PPP2R1B: variants seen among roughly 807,000 people sequenced by gnomAD.
The protein encoded by PPP2R1B is serine/threonine-protein phosphatase 2A 65 kDa regulatory subunit A beta isoform.
Under a neutral mutation model 72.7 loss-of-function variants are expected in PPP2R1B, and 58 were observed. The observed-to-expected ratio is 0.80, with a 90% CI of 0.65 to 0.99. The LOEUF (loss-of-function observed/expected upper bound fraction) is 0.99, where lower values mean the gene tolerates loss of function less well. PPP2R1B is among the 50% of genes least tolerant of loss of function. The probability of loss-of-function intolerance (pLI) is 0.00; values close to 1 mark genes in which losing one functional copy is unlikely to be tolerated. For missense variants in PPP2R1B, 695 were observed against 733.6 expected, an observed-to-expected ratio of 0.95 and a Z score of 0.61; for synonymous variants, 256 against 264.6, an observed-to-expected ratio of 0.97 and a Z score of 0.32.
At chr11:111,764,419 A>G (rs1945441468) in intron 3 of PPP2R1B, among the ~76,000 whole-genome samples, 1 of 152,208 alleles carries the variant, frequency 6.6e-6, no homozygotes, top group Non-Finnish European at 1.5e-5. Flanking sequence ...ATAAATGTCA[A>G]TTAAATTGAA....
the PPP2R1B span, among the ~76,000 whole-genome samples, chr11:111,716,986 A>G: frequency 6.6e-6 from 1 of 152,164 alleles, no homozygotes; most frequent in Non-Finnish European, 1.5e-5. Flanking sequence ...ACTTCTGAAA[A>G]GAAGACCTCA....
At chr11:111,753,715 C>G (rs1027195607) in intron 8 of PPP2R1B, 138 bp from the exon 9 acceptor site, 5 of 842,386 alleles carry the variant, frequency 5.9e-6, no homozygotes, top group South Asian at 1.9e-5. Flanking sequence ...CAGCCTCACC[C>G]TCCCAGGCTC....
chr11:111,732,528 T>TA (rs1320681861), intron 15 of PPP2R1B, among the ~76,000 whole-genome samples: 2 of 152,038 alleles, frequency 1.3e-5, no homozygotes, highest in Non-Finnish European at 2.9e-5. Flanking sequence ...CCATCTCCAC[T>TA]AAAAATACAA....
chr11:111,717,991 G>C, the PPP2R1B span, among the ~76,000 whole-genome samples: 1 of 152,092 alleles, frequency 6.6e-6, no homozygotes, highest in Admixed American at 6.5e-5. Context: ...GTGATAGGTT[G>C]ACAGGTGCAG....
chr11:111,725,999 T>C (rs1174632603), downstream of PPP2R1B: 1 of 152,248 alleles, frequency 6.6e-6, no homozygotes, highest in Non-Finnish European at 1.5e-5. Flanking sequence ...TGTTTATTCC[T>C]GCTCGTGCTT....
the PPP2R1B span, among the ~76,000 whole-genome samples, chr11:111,697,952 A>G: frequency 6.6e-6 from 1 of 152,198 alleles, no homozygotes; most frequent in African/African-American, 2.4e-5. Context: ...GAAGGCTACA[A>G]TGAGCTGTGA....
Position 111,738,817 on chromosome 11 carries a change from C to A in PPP2R1B, c.*2779G>T. On this transcript the variant is annotated 3_prime_UTR_variant, in exon 15 of 15. Coordinates refer to ENST00000527614, the MANE Select transcript of PPP2R1B (RefSeq NM_002716.5). ...TGAGGGGTAAACCCCACACAAATTA[C>A]AGAGAGAAACACCAAGGTGAATTCC... The A allele has an allele frequency of 1.0e-6, 1 of 984,912 alleles. No homozygotes were observed. The highest frequency in any genetic ancestry group is 1.2e-6 in the Non-Finnish European group (1 of 829,924). The allele number at this position is 984,912 out of a possible 1,614,324, so 61.0% of individuals were successfully genotyped here.
rs1945462766 is a variant in PPP2R1B at position 111,764,872 on chromosome 11, G to A, written c.239C>T (p.Ala80Val). 6.2e-7 allele frequency: 1 copy of A among 1,614,062 alleles called. No individual in the cohort carries two copies. ...TIYDEDEVLL[A>V]LAEQLGNFTG... is the part of the protein sequence containing the mutation. Reference sequence around the variant, plus strand: ...GAAATTTCCCAGCTGCTCAGCAAGAGCTAATAGTACCTCATCTTCATCATA... The same window carrying A: ...GAAATTTCCCAGCTGCTCAGCAAGAACTAATAGTACCTCATCTTCATCATA... The change falls in exon 3 of 15, where the codon GCT (alanine) becomes GTT (valine). Residue 80 changes from alanine to valine, a missense_variant. Coordinates refer to ENST00000527614, the MANE Select transcript of PPP2R1B (RefSeq NM_002716.5).
chr11:111,717,041 G>A, the PPP2R1B span, among the ~76,000 whole-genome samples: 2 of 152,144 alleles, frequency 1.3e-5, no homozygotes, highest in African/African-American at 2.4e-5. Context: ...GCGGCCGGGT[G>A]TGGTGGCTCA....
At chr11:111,705,273 T>TC in the PPP2R1B span, 5 of 864,086 alleles carry the variant, frequency 5.8e-6, no homozygotes, top group Non-Finnish European at 8.0e-6. The surrounding 1 kb of genome is among the most constrained non-coding windows in gnomAD (Gnocchi z 4.3). Flanking sequence ...TGCCTGCCAT[T>TC]CACTAGATTC....
At chr11:111,710,897 T>G in the PPP2R1B span, among the ~76,000 whole-genome samples, 1 of 152,208 alleles carries the variant, frequency 6.6e-6, no homozygotes, top group African/African-American at 2.4e-5. Flanking sequence ...CCTGTATCCC[T>G]TGAAATAACT....
At chr11:111,731,927 A>G (rs1944205895) in intron 15 of PPP2R1B, among the ~76,000 whole-genome samples, 1 of 152,204 alleles carries the variant, frequency 6.6e-6, no homozygotes, top group Non-Finnish European at 1.5e-5. Context: ...AACAACTCCA[A>G]TGCCCCAGGA....
exon 16 of PPP2R1B, chr11:111,726,911 A>G: frequency 6.4e-7 from 1 of 1,573,368 alleles, no homozygotes; most frequent in Non-Finnish European, 8.7e-7. Flanking sequence ...TTCGGCAAAA[A>G]GTGCAATATG....
At chr11:111,723,768 G>A (rs1943876549), downstream of PPP2R1B, 2 of 1,613,838 alleles carry the variant, frequency 1.2e-6, no homozygotes, top group Non-Finnish European at 1.7e-6. Flanking sequence ...TCCACTTCCG[G>A]TCCCCGGGCT....
At chr11:111,766,198 A>T in intron 1 of PPP2R1B, 50 bp downstream of exon 1, 1 of 1,588,850 alleles carries the variant, frequency 6.3e-7, no homozygotes, top group Non-Finnish European at 8.6e-7. Context: ...CCCCTTCTCT[A>T]CCACGCGACC....
At chr11:111,723,588 C>A (rs1591651175), downstream of PPP2R1B, 51 of 1,614,098 alleles carry the variant, frequency 3.2e-5, no homozygotes, top group East Asian at 1.1e-3. Context: ...TACCCACAGC[C>A]AAGTCAGCAG....
At chr11:111,705,388 C>T in the PPP2R1B span, among the ~76,000 whole-genome samples, 2 of 152,180 alleles carry the variant, frequency 1.3e-5, no homozygotes, top group African/African-American at 2.4e-5. The surrounding 1 kb of genome is among the most constrained non-coding windows in gnomAD (Gnocchi z 4.3). Flanking sequence ...TATCACTAGC[C>T]TTTACATTCA....
At chr11:111,750,460 C>T (rs1413265275) in intron 10 of PPP2R1B, among the ~76,000 whole-genome samples, 1 of 152,146 alleles carries the variant, frequency 6.6e-6, no homozygotes, top group African/African-American at 2.4e-5. Flanking sequence ...CCAGCCTGGG[C>T]AACAGCAAGA....
chr11:111,765,367 A>ATT lies in PPP2R1B; in HGVS notation c.131_132insAA (p.Lys45IlefsTer9). ...CTAGGGCAATTGTTGATAACTTCTTAATACTGTTGAGTCGGAGCTTCAGAA... is the reference window on the plus strand; with the variant it reads ...CTAGGGCAATTGTTGATAACTTCTTATTATACTGTTGAGTCGGAGCTTCAGAA... On this transcript the variant is annotated frameshift_variant, in exon 2 of 15. Transcript: ENST00000527614. LOFTEE classifies it high-confidence loss of function. 2 of 1,612,588 alleles carry ATT rather than the reference A, an allele frequency of 1.2e-6. No individual in the cohort carries two copies. Among genetic ancestry groups the ATT allele is most frequent in the South Asian group, 2.2e-5 (2 of 90,750 alleles).
Sources: allele counts gnomAD v4.1 joint callset (sites outside exome capture counted in the v4.1 genomes callset), GRCh38; gene constraint gnomAD v4.1.1; non-coding constraint Gnocchi (gnomAD v3.1); transcripts MANE v1.5; gene names NCBI Gene and HGNC (gene_info 2026-07-23, HGNC 2026-07-21).